Variants in UGCG observed in about 807,000 individuals in gnomAD.
The protein encoded by UGCG is ceramide glucosyltransferase.
A neutral mutation model predicts 49.5 loss-of-function variants in UGCG; 10 were observed. That is an observed-to-expected ratio of 0.20 (90% CI 0.12 to 0.34). UGCG has a LOEUF of 0.34. Among genes scored for constraint, UGCG ranks in the 10% least tolerant of loss-of-function variants. The probability of loss-of-function intolerance (pLI) is 1.00; values close to 1 mark genes in which losing one functional copy is unlikely to be tolerated. For missense variants in UGCG, 312 were observed against 483.7 expected, an observed-to-expected ratio of 0.65 and a Z score of 3.33; for synonymous variants, 182 against 158.2, an observed-to-expected ratio of 1.15 and a Z score of -1.13.
intron 3 of UGCG, 34 bp from the exon 4 acceptor site, chr9:111,924,743 T>A: frequency 8.4e-7 from 1 of 1,187,868 alleles, no homozygotes; most frequent in Non-Finnish European, 1.2e-6. Flanking sequence ...TAATGTTGCA[T>A]AAATCTTTTA....
At chr9:111,923,040 C>A in intron 3 of UGCG, 89 bp downstream of exon 3, 1 of 812,798 alleles carries the variant, frequency 1.2e-6, no homozygotes, top group Non-Finnish European at 1.9e-6. Context: ...AAGGTGTTAG[C>A]CATGTTTGTT....
rs1312704527 is a variant in UGCG, at chr9:111,929,424, T to C, written c.559-76T>C. 3.4e-6 allele frequency: 5 copies of C among 1,456,488 alleles called. No homozygotes were observed. In the African/African-American group the frequency reaches 5.7e-5, roughly 17 times the overall value. The allele number at this position is 1,456,488 out of a possible 1,614,324, so 90.2% of individuals were successfully genotyped here. On this transcript the variant is annotated intron_variant, in intron 5 of 8. Transcript: ENST00000374279. ...CTCAATCATACTTATAAAAAAACCA[T>C]TGGGAAAAACAGTTCGTGAACACCA... is the stretch of plus-strand genomic sequence containing the variant.
At position 111,932,577 on chromosome 9, in the gene UGCG, C is replaced by G. The variant is rs185515042; in HGVS notation, c.1014+218C>G. ...TTATATAATCGCTTTTATTAAGTTT[C>G]CAAAAACATGAAGTTAATTAAATCA... On this transcript the variant is annotated intron_variant, in intron 8 of 8. Transcript: ENST00000374279. Among the ~76,000 whole-genome samples, 3 of 152,096 alleles carry G rather than the reference C, an allele frequency of 2.0e-5. No individual in the cohort carries two copies. In the East Asian group the frequency reaches 5.8e-4, roughly 29 times the overall value.
At chr9:111,900,249 G>A (rs964602874) in intron 1 of UGCG, among the ~76,000 whole-genome samples, 4 of 151,928 alleles carry the variant, frequency 2.6e-5, no homozygotes, top group African/African-American at 4.8e-5. Context: ...ACGTTGCTGC[G>A]TGATGAAGTG....
chr9:111,897,185 A>AGCGGG lies in UGCG; in HGVS notation c.-30_-26dup, dbSNP rs1554731862. 3.9e-6 allele frequency: 6 copies of AGCGGG among 1,526,076 alleles called. No homozygotes were observed. In the South Asian group the frequency reaches 7.2e-5, roughly 18 times the overall value. 94.5% of individuals were successfully genotyped at this position (1,526,076 alleles called of 1,614,324 possible). A position where few individuals can be genotyped will look rare whatever the true frequency, so the allele number is the denominator to read the frequency against. On this transcript the variant is annotated 5_prime_UTR_variant, in exon 1 of 9. Coordinates refer to ENST00000374279, the MANE Select transcript of UGCG (RefSeq NM_003358.3). ...GAGCGTTGTCCGTGTTGGCGGCCGCAGCGGGCCGGGCCGGTCCGGCGGGCC... is the reference window on the plus strand; with the variant it reads ...GAGCGTTGTCCGTGTTGGCGGCCGCAGCGGGGCGGGCCGGGCCGGTCCGGCGGGCC...
intron 1 of UGCG, among the ~76,000 whole-genome samples, chr9:111,901,185 C>T (rs1376262024): frequency 6.6e-6 from 1 of 152,212 alleles, no homozygotes; most frequent in Admixed American, 6.5e-5. Flanking sequence ...AATTTGCATA[C>T]TCATTGTGTC....
At chr9:111,920,547 TA>T (rs1838202147) in intron 2 of UGCG, among the ~76,000 whole-genome samples, 1 of 152,064 alleles carries the variant, frequency 6.6e-6, no homozygotes, top group Non-Finnish European at 1.5e-5. Context: ...GCATTTTTAG[TA>T]GAGACGGGGT....
intron 1 of UGCG, among the ~76,000 whole-genome samples, chr9:111,901,867 GC>G (rs1451053053): frequency 1.1e-4 from 16 of 152,032 alleles, no homozygotes; most frequent in Non-Finnish European, 1.2e-4. Context: ...GCAGCCTTGT[GC>G]CCCCTCGATT....
At chr9:111,914,802 G>A in intron 2 of UGCG, 56 bp downstream of exon 2, 2 of 1,600,918 alleles carry the variant, frequency 1.2e-6, no homozygotes, top group Non-Finnish European at 1.7e-6. Flanking sequence ...TTCCCCTCAT[G>A]ATAAACATTT....
At chr9:111,902,446 G>A (rs1341759890) in intron 1 of UGCG, among the ~76,000 whole-genome samples, 4 of 152,198 alleles carry the variant, frequency 2.6e-5, no homozygotes, top group Admixed American at 2.6e-4. Flanking sequence ...AGTGATACAG[G>A]TAGTAAATTG....
At chr9:111,928,419 C>T (rs1019240888) in intron 5 of UGCG, among the ~76,000 whole-genome samples, 1 of 152,298 alleles carries the variant, frequency 6.6e-6, no homozygotes, top group African/African-American at 2.4e-5. Context: ...CAATAAACAT[C>T]TCCCAGAATA....
intron 1 of UGCG, among the ~76,000 whole-genome samples, chr9:111,897,693 G>A (rs1837690372): frequency 6.6e-6 from 1 of 151,942 alleles, no homozygotes; most frequent in Admixed American, 6.6e-5. Flanking sequence ...TTTCTGTTAG[G>A]GTGGTGATTG....
intron 6 of UGCG, among the ~76,000 whole-genome samples, chr9:111,930,684 A>G (rs999133124): frequency 2.6e-5 from 4 of 151,590 alleles, no homozygotes; most frequent in Non-Finnish European, 5.9e-5. Flanking sequence ...TGGCCAGGCT[A>G]GTCTTGAACT....
intron 1 of UGCG, among the ~76,000 whole-genome samples, chr9:111,900,630 A>G (rs920227530): frequency 1.3e-5 from 2 of 152,058 alleles, no homozygotes; most frequent in African/African-American, 4.8e-5. Flanking sequence ...GTAGCTCCCA[A>G]GTAGCTGGGA....
intron 1 of UGCG, among the ~76,000 whole-genome samples, chr9:111,913,027 G>A (rs778647790): frequency 6.6e-6 from 1 of 152,122 alleles, no homozygotes; most frequent in Non-Finnish European, 1.5e-5. Context: ...TGGTGGTACC[G>A]GTGTCCCTCC....
At chr9:111,913,457 G>A (rs375376186) in intron 1 of UGCG, among the ~76,000 whole-genome samples, 8 of 151,752 alleles carry the variant, frequency 5.3e-5, no homozygotes, top group African/African-American at 1.7e-4. Context: ...TTTTTGAGAC[G>A]GAGTCTCACT....
intron 5 of UGCG, among the ~76,000 whole-genome samples, chr9:111,926,959 A>G (rs1366873222): frequency 8.2e-6 from 1 of 122,248 alleles, no homozygotes; most frequent in Admixed American, 1.2e-4. Context: ...TGCAACCTCC[A>G]CTTCCCAGGT....
In UGCG at chr9:111,932,332, T is replaced by C; in HGVS notation, c.987T>C (p.Phe329=). 1.2e-6 allele frequency: 2 copies of C among 1,614,092 alleles called. No homozygotes were observed. Among genetic ancestry groups the C allele is most frequent in the South Asian group, 1.1e-5 (1 of 91,082 alleles). ...FMCHCLAWFI[F]DYIQLRGVQG... ...GTCATTGCCTGGCATGGTTTATATT[T>C]GACTACATTCAACTCAGGGGTGTCC... Residue 329 remains phenylalanine (F), a synonymous_variant, in exon 8 of 9, where the codon TTT becomes TTC. Coordinates refer to ENST00000374279, the MANE Select transcript of UGCG (RefSeq NM_003358.3).
chr9:111,903,865 G>A (rs1327652787), intron 1 of UGCG, among the ~76,000 whole-genome samples: 1 of 152,132 alleles, frequency 6.6e-6, no homozygotes, highest in East Asian at 1.9e-4. Context: ...ACAGGTGCTG[G>A]GATTATAGGC....
Sources: gnomAD v4.1 joint callset for allele counts (sites outside exome capture counted in the v4.1 genomes callset) on GRCh38, gnomAD v4.1.1 for gene constraint, MANE v1.5 for transcripts, NCBI Gene and HGNC (gene_info 2026-07-23, HGNC 2026-07-21) for gene names.